Variants in TBL1XR1 observed in about 807,000 individuals in gnomAD.
TBL1XR1 encodes the protein F-box-like/WD repeat-containing protein TBL1XR1.
TBL1XR1 carries 5 observed loss-of-function variants against 66.9 expected under a neutral mutation model. That is an observed-to-expected ratio of 0.07 (90% CI 0.04 to 0.16). The LOEUF (loss-of-function observed/expected upper bound fraction) is 0.16. Ranked by LOEUF, TBL1XR1 falls within the 10% of genes least tolerant of loss-of-function variation. The pLI is 1.00. For synonymous variants in TBL1XR1, 210 were observed against 206.0 expected (o/e 1.02, Z -0.17); for missense variants, 238 against 623.2 (o/e 0.38, Z 6.58).
intron 1 of TBL1XR1, among the ~76,000 whole-genome samples, chr3:177,113,246 A>G (rs1725877804): frequency 6.6e-6 from 1 of 152,218 alleles, no homozygotes; most frequent in South Asian, 2.1e-4. Context: ...CTTAAGCATA[A>G]GACTCAAAAC....
rs571361204 is a variant in TBL1XR1 at position 177,187,943 on chromosome 3, C to CTTTTTTT, written c.-122+9171_-122+9177dup. ...GCTTGAGAGTCCAGAGTACAATTTC[C>CTTTTTTT]TTTTTTTTTTTTTTTTTTTTTTTTG... On this transcript the variant is annotated intron_variant, in intron 1 of 15. Coordinates refer to ENST00000457928, the MANE Select transcript of TBL1XR1 (RefSeq NM_024665.7). Among the ~76,000 whole-genome samples the CTTTTTTT allele has an allele frequency of 6.0e-4, 47 of 77,840 alleles. 1 individual carries two copies. The highest frequency in any genetic ancestry group is 2.1e-3 in the African/African-American group (31 of 15,100). The allele number at this position is 77,840 out of a possible 152,430, so 51.1% of individuals were successfully genotyped here.
chr3:177,030,133 G>T (rs6768603), intron 14 of TBL1XR1, among the ~76,000 whole-genome samples: 18,680 of 101,652 alleles, frequency 0.18, 1,276 homozygotes, highest in East Asian at 0.3. Context: ...TATATATATA[G>T]AGAGAGAGAG....
intron 4 of TBL1XR1, 97 bp from the exon 5 acceptor site, chr3:177,051,823 C>A: frequency 5.1e-6 from 7 of 1,359,470 alleles, no homozygotes; most frequent in East Asian, 2.7e-5. Flanking sequence ...AATCTTCGTT[C>A]CTAAAAAAAC....
chr3:177,069,370 T>C (rs2108555290), intron 2 of TBL1XR1, among the ~76,000 whole-genome samples: 1 of 152,218 alleles, frequency 6.6e-6, no homozygotes, highest in Admixed American at 6.5e-5. Context: ...AATATTTCAG[T>C]ACCTACTGCA....
chr3:177,182,839 A>T (rs1397203594), intron 1 of TBL1XR1, among the ~76,000 whole-genome samples: 2 of 152,190 alleles, frequency 1.3e-5, no homozygotes, highest in African/African-American at 4.8e-5. Context: ...AATTTTTTTA[A>T]AACAATATAA....
chr3:177,057,217 T>C (rs1245972528), intron 3 of TBL1XR1, among the ~76,000 whole-genome samples: 1 of 152,176 alleles, frequency 6.6e-6, no homozygotes, highest in African/African-American at 2.4e-5. Flanking sequence ...ATGTCCTCCT[T>C]TGCTCTTTCT....
At chr3:177,151,987 G>A (rs9835750) in intron 1 of TBL1XR1, among the ~76,000 whole-genome samples, 47 of 152,100 alleles carry the variant, frequency 3.1e-4, no homozygotes, top group African/African-American at 9.2e-4. Context: ...TAGCGCCATC[G>A]CACTCCAGCC....
intron 2 of TBL1XR1, among the ~76,000 whole-genome samples, chr3:177,083,116 A>G (rs61493980): frequency 0.098 from 14,833 of 151,974 alleles, 821 homozygotes; most frequent in South Asian, 0.12. Context: ...AATACAACAC[A>G]CTGAAAAAAG....
intron 3 of TBL1XR1, among the ~76,000 whole-genome samples, chr3:177,057,052 C>T (rs1336455893): frequency 1.3e-5 from 2 of 152,200 alleles, no homozygotes; most frequent in East Asian, 1.9e-4. Context: ...AATTATGGCA[C>T]ACAGTTGTTT....
Position 177,023,706 on chromosome 3 carries a change from T to C in TBL1XR1, c.*1792A>G, listed in dbSNP as rs1338639716. ...TTCAATCAATGCTGTTTTGTAAAAA[T>C]AGCAAAGCAACGAATGCTGAAATCA... On this transcript the variant is annotated 3_prime_UTR_variant, in exon 16 of 16. Transcript: ENST00000457928. 6.6e-6 allele frequency: 1 copy of C among 152,494 alleles called. No individual in the cohort carries two copies. Among genetic ancestry groups the C allele is most frequent in the Non-Finnish European group, 1.5e-5 (1 of 67,940 alleles). 9.4% of individuals were successfully genotyped at this position (152,494 alleles called of 1,614,324 possible).
chr3:177,193,524 T>A (rs776387598), intron 1 of TBL1XR1, among the ~76,000 whole-genome samples: 62 of 152,316 alleles, frequency 4.1e-4, no homozygotes, highest in Non-Finnish European at 7.9e-4. Context: ...CTGGCCAAGA[T>A]GGTCTCAATC....
chr3:177,051,286 C>T (rs548492681), intron 5 of TBL1XR1, among the ~76,000 whole-genome samples: 4 of 151,316 alleles, frequency 2.6e-5, no homozygotes, highest in African/African-American at 9.7e-5. Flanking sequence ...TCTCCTGGGA[C>T]CTTCCTGGGG....
chr3:177,148,199 A>G (rs1393442195), intron 1 of TBL1XR1, among the ~76,000 whole-genome samples: 2 of 152,244 alleles, frequency 1.3e-5, no homozygotes, highest in African/African-American at 4.8e-5. Context: ...TTTTTAGATG[A>G]CAGCTAGTTA....
intron 2 of TBL1XR1, among the ~76,000 whole-genome samples, chr3:177,069,793 A>AAAGGAAGGAAAGGAAGGAAGGAAGG (rs1719681952): frequency 1.1e-5 from 1 of 92,418 alleles, no homozygotes; most frequent in African/African-American, 4.5e-5. Context: ...AAAAGGAAGG[A>AAAGGAAGGAAAGGAAGGAAGGAAGG]AAGGAAGGAA....
chr3:177,127,944 C>A (rs545827526), intron 1 of TBL1XR1, among the ~76,000 whole-genome samples: 2 of 152,136 alleles, frequency 1.3e-5, no homozygotes, highest in African/African-American at 4.8e-5. Context: ...ACGGGCCGGG[C>A]GCAGTGGCTC....
At chr3:177,026,498 T>C (rs1479461207) in intron 14 of TBL1XR1, 24 bp from the exon 15 acceptor site, 3 of 1,519,710 alleles carry the variant, frequency 2.0e-6, no homozygotes, top group Non-Finnish European at 2.7e-6. Context: ...AAACAAAATC[T>C]TAAAAATCGT....
At chr3:177,082,477 T>C (rs1721517534) in intron 2 of TBL1XR1, among the ~76,000 whole-genome samples, 2 of 151,622 alleles carry the variant, frequency 1.3e-5, no homozygotes, top group Admixed American at 1.3e-4. Flanking sequence ...CCACTCACAA[T>C]TTAATCTGAT....
intron 1 of TBL1XR1, among the ~76,000 whole-genome samples, chr3:177,187,689 C>CT (rs1441459520): frequency 6.6e-6 from 1 of 152,038 alleles, no homozygotes; most frequent in Non-Finnish European, 1.5e-5. Flanking sequence ...CACTGAATGT[C>CT]TCTTTACAAT....
At chr3:177,119,595 A>C (rs920992329) in intron 1 of TBL1XR1, among the ~76,000 whole-genome samples, 4 of 152,216 alleles carry the variant, frequency 2.6e-5, no homozygotes, top group Admixed American at 2.6e-4. Flanking sequence ...TTTGCTGAAC[A>C]AACAGTGACC....
Sources: gnomAD v4.1 joint callset for allele counts (sites outside exome capture counted in the v4.1 genomes callset) on GRCh38, gnomAD v4.1.1 for gene constraint, MANE v1.5 for transcripts, NCBI Gene and HGNC (gene_info 2026-07-23, HGNC 2026-07-21) for gene names.